FBXO17: variants seen among roughly 807,000 people sequenced by gnomAD.
FBXO17 encodes the protein F-box only protein 17.
In FBXO17, 43 loss-of-function variants were observed where a neutral mutation model predicts 34.1. The ratio of observed to expected loss-of-function variants is 1.26; its 90% confidence interval spans 0.99 to 1.62. FBXO17 has a LOEUF of 1.62. Among genes scored for constraint, FBXO17 ranks in the 40% most tolerant of loss-of-function variants. FBXO17 has a pLI of 0.00. For missense variants in FBXO17, 424 were observed against 386.7 expected, an observed-to-expected ratio of 1.10 and a Z score of -0.81; for synonymous variants, 169 against 166.0, an observed-to-expected ratio of 1.02 and a Z score of -0.14.
At chr19:38,945,182 G>T in intron 4 of FBXO17, 78 bp from the exon 5 acceptor site, 2 of 1,574,976 alleles carry the variant, frequency 1.3e-6, no homozygotes, top group South Asian at 2.3e-5. Context: ...GCTGAGGGCT[G>T]GCTCCATCTT....
Position 38,946,623 on chromosome 19 carries a change from G to C in FBXO17, c.462-56C>G, listed in dbSNP as rs559598530. 2.8e-5 allele frequency: 44 copies of C among 1,596,656 alleles called. No homozygotes were observed. The African/African-American group carries it at 4.2e-4, about 15-fold the overall frequency. On this transcript the variant is annotated intron_variant, in intron 3 of 5. Transcript: ENST00000292852. ...AAACAGTCCTGGCATTCAAGTCACA[G>C]TCAGAAGCCACCTCCTCCAAGAAGT... is the stretch of plus-strand genomic sequence containing the variant.
Position 38,942,421 on chromosome 19 carries a change from T to G in FBXO17, c.*187A>C, listed in dbSNP as rs1041081893. 14 of 528,058 alleles carry G rather than the reference T, an allele frequency of 2.7e-5. No homozygotes were observed. The highest frequency in any genetic ancestry group is 4.2e-5 in the Non-Finnish European group (14 of 333,840). 32.7% of individuals were successfully genotyped at this position (528,058 alleles called of 1,614,324 possible). A position where few individuals can be genotyped will look rare whatever the true frequency, so the allele number is the denominator to read the frequency against. On this transcript the variant is annotated 3_prime_UTR_variant, in exon 6 of 6. Transcript: ENST00000292852. ...GGACTACAGGCGGCACCACCATGCC[T>G]GGCTAATTTTTTAAAAATTATTTGT...
intron 1 of FBXO17, 69 bp from the exon 2 acceptor site, chr19:38,950,405 A>T: frequency 7.2e-7 from 1 of 1,386,208 alleles, no homozygotes; most frequent in Non-Finnish European, 9.3e-7. Flanking sequence ...CTTGTCCCCC[A>T]GGGCGCAAGG....
intron 1 of FBXO17, among the ~76,000 whole-genome samples, chr19:38,962,605 C>T (rs2144835822): frequency 6.6e-6 from 1 of 152,320 alleles, no homozygotes; most frequent in African/African-American, 2.4e-5. Context: ...GCCAAGACTA[C>T]TCCAGCAAGG....
chr19:38,943,870 A>G (rs1037429371), intron 5 of FBXO17, among the ~76,000 whole-genome samples: 2 of 152,204 alleles, frequency 1.3e-5, no homozygotes, highest in Non-Finnish European at 2.9e-5. Context: ...GATTACAGGC[A>G]TGAGCCACCA....
At chr19:38,958,869 G>A (rs1975206441) in intron 1 of FBXO17, among the ~76,000 whole-genome samples, 1 of 152,144 alleles carries the variant, frequency 6.6e-6, no homozygotes, top group African/African-American at 2.4e-5. Context: ...GAGCACTGCA[G>A]AAGGGACATT....
intron 5 of FBXO17, chr19:38,944,744 A>T: frequency 3.4e-6 from 2 of 594,536 alleles, no homozygotes; most frequent in South Asian, 2.2e-5. Flanking sequence ...AGCACACAGT[A>T]GGTGCTCAAT....
intron 1 of FBXO17, among the ~76,000 whole-genome samples, chr19:38,960,225 C>T (rs1975228043): frequency 1.3e-5 from 2 of 151,860 alleles, no homozygotes; most frequent in Non-Finnish European, 2.9e-5. Flanking sequence ...AATCATGATA[C>T]CAGTTTGTTT....
Position 38,945,083 on chromosome 19 carries a change from G to A in FBXO17, c.579C>T (p.Cys193=), listed in dbSNP as rs146918138. 300 of 1,614,070 alleles carry A rather than the reference G, an allele frequency of 1.9e-4. No individual in the cohort carries two copies. The highest frequency in any genetic ancestry group is 2.4e-4 in the Non-Finnish European group (285 of 1,180,050). ...VADWWGAREN[C]GCVYQLRVRL... is the part of the protein sequence containing the mutation. The stretch of plus-strand genomic sequence containing the variant: ...GGACCCGGAGCTGGTAGACGCAGCC[G>A]CAGTTCTCTCGAGCGCCCCACCTGC... Residue 193 remains cysteine (C), a synonymous_variant, in exon 5 of 6, where the codon TGC becomes TGT. Transcript: ENST00000292852.
At position 38,950,062 on chromosome 19, in the gene FBXO17, T is replaced by C; in HGVS notation, c.258A>G (p.Glu86=). 6.4e-7 allele frequency: 1 copy of C among 1,569,248 alleles called. No individual in the cohort carries two copies. The highest frequency in any genetic ancestry group is 8.6e-7 in the Non-Finnish European group (1 of 1,158,572). ...AVAQRCLPSN[E]DKEEFPLCAL... ...CGCACAGCGGGAACTCCTCCTTGTC[T>C]TCGTTGCTGGGCAGGCAGCGTTGAG... Residue 86 remains glutamate, a synonymous_variant, in exon 2 of 6, where the codon GAA becomes GAG. Transcript: ENST00000292852.
intron 1 of FBXO17, among the ~76,000 whole-genome samples, chr19:38,957,704 G>A (rs1204207617): frequency 1.3e-5 from 2 of 152,140 alleles, no homozygotes; most frequent in Non-Finnish European, 2.9e-5. Context: ...GGGGCTAGGG[G>A]TAGGCCCCTC....
chr19:38,964,959 GACCAAGAGGCC>G (rs1056597981), intron 1 of FBXO17, among the ~76,000 whole-genome samples: 1 of 151,968 alleles, frequency 6.6e-6, no homozygotes, highest in Non-Finnish European at 1.5e-5. Context: ...CATCCAACTT[GACCAAGAGGCC>G]AGTGGGAAAG....
At chr19:38,954,168 T>A (rs1160816142) in intron 1 of FBXO17, among the ~76,000 whole-genome samples, 1 of 151,910 alleles carries the variant, frequency 6.6e-6, no homozygotes, top group Non-Finnish European at 1.5e-5. Context: ...ACTCAAGCTG[T>A]GTGGGTGCAG....
intron 3 of FBXO17, among the ~76,000 whole-genome samples, chr19:38,948,321 A>T (rs1975017212): frequency 6.6e-6 from 1 of 152,218 alleles, no homozygotes; most frequent in African/African-American, 2.4e-5. Context: ...TTGTCTCACA[A>T]ACTGCAGGCG....
chr19:38,960,195 G>T (rs1371071464), intron 1 of FBXO17, among the ~76,000 whole-genome samples: 3 of 151,992 alleles, frequency 2.0e-5, no homozygotes, highest in South Asian at 4.1e-4. Context: ...GGAAAATTCT[G>T]CACAAAAAAT....
intron 1 of FBXO17, among the ~76,000 whole-genome samples, chr19:38,958,528 T>C (rs1600198385): frequency 6.6e-6 from 1 of 150,996 alleles, no homozygotes; most frequent in African/African-American, 2.4e-5. Context: ...TTGGGAAAGG[T>C]TGAAAAGTAC....
rs1299996949 is a variant in FBXO17 at position 38,950,162 on chromosome 19, A to C, written c.158T>G (p.Val53Gly). Residue 53 changes from valine to glycine, a missense_variant, in exon 2 of 6, where the codon GTG becomes GGG. By Grantham distance (109) the Val-to-Gly change is moderately radical. Coordinates refer to ENST00000292852, the MANE Select transcript of FBXO17 (RefSeq NM_024907.7). ...CAGCAGCCACACAGTGGGCCCGTCC[A>C]CTATGTCGCGCCAGGCGCGGCACAC... ...RPVCRAWRDI[V>G]DGPTVWLLQL... 12 of 1,561,114 alleles carry C rather than the reference A, an allele frequency of 7.7e-6. No homozygotes were observed. The highest frequency in any genetic ancestry group is 1.0e-5 in the Non-Finnish European group (12 of 1,159,146).
Position 38,952,253 on chromosome 19 carries a change from T to C in FBXO17, c.-17-1917A>G, listed in dbSNP as rs543730438. Among the ~76,000 whole-genome samples the C allele has an allele frequency of 6.1e-4, 93 of 152,316 alleles. 2 individuals are homozygous for C. Among genetic ancestry groups the C allele is most frequent in the South Asian group, 2.1e-3 (10 of 4,826 alleles). ...TGAGCCACCACGCCTGGCCTGAGTT[T>C]GGCTTTTGAGTGTTGAGCGGCCAAA... is the stretch of plus-strand genomic sequence containing the variant. On this transcript the variant is annotated intron_variant, in intron 1 of 5. Transcript: ENST00000292852.
chr19:38,942,620 G>C lies in FBXO17; in HGVS notation c.825C>G (p.Ile275Met), dbSNP rs1271954387. ...AGTAGTCCAGTCGCTAGGACAGACG[G>C]ATCCTGACCCTCACACTGGAGTGGG... The part of the protein sequence containing the change: ...LVTHSSVRVR[I>M]RLS Residue 275 changes from isoleucine to methionine, a missense_variant, in exon 6 of 6, where the codon ATC (isoleucine) becomes ATG (methionine). Ile to Met is a conservative substitution (Grantham distance 10). Transcript: ENST00000292852. 6.3e-7 allele frequency: 1 copy of C among 1,581,308 alleles called. No homozygotes were observed. The highest frequency in any genetic ancestry group is 1.2e-5 in the South Asian group (1 of 85,812).
Sources: allele counts gnomAD v4.1 joint callset (sites outside exome capture counted in the v4.1 genomes callset), GRCh38; gene constraint gnomAD v4.1.1; transcripts MANE v1.5; gene names NCBI Gene and HGNC (gene_info 2026-07-23, HGNC 2026-07-21).